IFT172: variants seen among roughly 807,000 people sequenced by gnomAD.
IFT172 encodes the protein intraflagellar transport 172.
IFT172 carries 164 observed loss-of-function variants against 248.9 expected under a neutral mutation model. The observed-to-expected ratio is 0.66, with a 90% CI of 0.58 to 0.75. IFT172 has a LOEUF of 0.75. IFT172 is among the 30% of genes least tolerant of loss of function. The probability of loss-of-function intolerance (pLI) is 0.00; values close to 1 mark genes in which losing one functional copy is unlikely to be tolerated. For missense variants in IFT172, 1,950 were observed against 2,192.4 expected (o/e 0.89, Z 2.21); for synonymous variants, 729 against 791.6 (o/e 0.92, Z 1.33).
At position 27,447,894 on chromosome 2, in the gene IFT172, G is replaced by A. The variant is rs1665295983; in HGVS notation, c.4457C>T (p.Thr1486Ile). Reference protein sequence around the residue: ...QNFNIYKRIFTDMVSSPGTNC... With the variant: ...QNFNIYKRIFIDMVSSPGTNC... ...GGTTCCAGGAGAGCTCACCATGTCA[G>A]TGAAGATCCTTTTGTAGATATTGAA... The change falls in exon 41 of 48, where the codon ACT (threonine) becomes ATT (isoleucine). Residue 1486 changes from threonine (T) to isoleucine (I), a missense_variant. This residue lies in a region of IFT172 where 620 missense variants were observed against 699.0 expected (regional missense o/e 0.89). Coordinates refer to ENST00000260570, the MANE Select transcript of IFT172 (RefSeq NM_015662.3). 6.2e-7 allele frequency: 1 copy of A among 1,612,224 alleles called. No homozygotes were observed. The highest frequency in any genetic ancestry group is 1.3e-5 in the African/African-American group (1 of 74,960).
At chr2:27,488,192 C>G (rs1293746905) in intron 1 of IFT172, among the ~76,000 whole-genome samples, 1 of 151,920 alleles carries the variant, frequency 6.6e-6, no homozygotes, top group Admixed American at 6.6e-5. Context: ...TCACTCTTGT[C>G]CCCCAGGCTG....
intron 16 of IFT172, among the ~76,000 whole-genome samples, chr2:27,467,418 GAAAAAAAAAAAA>G (rs34115935): frequency 1.9e-3 from 32 of 16,426 alleles, no homozygotes; most frequent in South Asian, 6.6e-3. Context: ...ACAGAAAATT[GAAAAAAAAAAAA>G]AAAAAAAAAA....
rs1295629467 is a variant in IFT172 at position 27,445,136 on chromosome 2, G to A, written c.5069-31C>T. ...GAGGAAGAAAAAATGATGAACTGGG[G>A]TTTGAGAGAGATTGAGGAGGGAAAA... On this transcript the variant is annotated intron_variant, in intron 46 of 47. Transcript: ENST00000260570. This position sits in a 1 kb window ranked among gnomAD's most constrained non-coding sequence, Gnocchi z 4.4. 10 of 1,612,710 alleles carry A rather than the reference G, an allele frequency of 6.2e-6. No individual in the cohort carries two copies. Among genetic ancestry groups the A allele is most frequent in the Non-Finnish European group, 6.8e-6 (8 of 1,179,208 alleles).
intron 23 of IFT172, 67 bp from the exon 24 acceptor site, chr2:27,459,896 A>G: frequency 6.3e-7 from 1 of 1,588,330 alleles, no homozygotes; most frequent in East Asian, 2.2e-5. Flanking sequence ...AAGGTAGGAC[A>G]GGGAGATGAA....
At position 27,445,632 on chromosome 2, in the gene IFT172, G is replaced by GA; in HGVS notation, c.4914+112dup. 5 of 1,399,544 alleles carry GA rather than the reference G, an allele frequency of 3.6e-6. 1 individual carries two copies. The highest frequency in any genetic ancestry group is 2.9e-6 in the Non-Finnish European group (3 of 1,017,248). The allele number at this position is 1,399,544 out of a possible 1,614,324, so 86.7% of individuals were successfully genotyped here. On this transcript the variant is annotated intron_variant, in intron 45 of 47. Transcript: ENST00000260570. This position sits in a 1 kb window ranked among gnomAD's most constrained non-coding sequence, Gnocchi z 4.4. ...TTTCTATTTTGCTTCTACTTTCACT[G>GA]AAAAAACAGTGAGGGCTGAGGTCCT...
chr2:27,482,518 C>G (rs1668461346), intron 7 of IFT172, among the ~76,000 whole-genome samples: 1 of 152,068 alleles, frequency 6.6e-6, no homozygotes, highest in Admixed American at 6.5e-5. Flanking sequence ...CTCCTGACCT[C>G]AGGTGATCCA....
At chr2:27,462,611 C>T (rs1666765905) in intron 20 of IFT172, 90 bp downstream of exon 20, 1 of 1,132,296 alleles carries the variant, frequency 8.8e-7, no homozygotes, top group East Asian at 2.4e-5. Flanking sequence ...CCTAGTTCAC[C>T]AGCACGCTTT....
intron 16 of IFT172, among the ~76,000 whole-genome samples, chr2:27,466,715 A>C (rs1314949012): frequency 6.6e-6 from 1 of 152,216 alleles, no homozygotes; most frequent in East Asian, 1.9e-4. Flanking sequence ...TCAGATATTA[A>C]AAATAACAGT....
At chr2:27,468,864 A>C (rs1258992504) in intron 16 of IFT172, among the ~76,000 whole-genome samples, 4 of 148,848 alleles carry the variant, frequency 2.7e-5, no homozygotes, top group African/African-American at 9.9e-5. Flanking sequence ...AAAAAAAAGA[A>C]AAAAAAAAAG....
In IFT172 at chr2:27,458,121, C is replaced by G. The variant is rs758286445; in HGVS notation, c.2975+5G>C. The G allele has an allele frequency of 1.3e-5, 21 of 1,613,894 alleles. No individual in the cohort carries two copies. The highest frequency in any genetic ancestry group is 1.8e-5 in the Non-Finnish European group (21 of 1,179,884). ...CTCTACACCTCCTCTGGGGCCACGG[C>G]TCACCTTTCAGCCTCACGGTACTTG... On this transcript the variant is annotated splice_donor_5th_base_variant and intron_variant, in intron 27 of 47. Coordinates refer to ENST00000260570, the MANE Select transcript of IFT172 (RefSeq NM_015662.3).
At chr2:27,449,657 A>G in intron 37 of IFT172, 34 bp downstream of exon 37, 2 of 1,610,030 alleles carry the variant, frequency 1.2e-6, no homozygotes, top group Non-Finnish European at 1.7e-6. Context: ...GAAGTAAAAG[A>G]GAATTTCGCA....
At chr2:27,472,210 T>A (rs772518286) in intron 15 of IFT172, 40 bp downstream of exon 15, 1 of 1,447,514 alleles carries the variant, frequency 6.9e-7, no homozygotes, top group African/African-American at 1.4e-5. Flanking sequence ...ACACCCTCTG[T>A]GGGCCAGCCA....
chr2:27,467,296 G>A (rs764556565), intron 16 of IFT172, among the ~76,000 whole-genome samples: 4 of 151,628 alleles, frequency 2.6e-5, no homozygotes, highest in Non-Finnish European at 5.9e-5. Flanking sequence ...CCAGAGGCCA[G>A]ATGCAGTGGC....
Position 27,447,810 on chromosome 2 carries a change from AC to A in IFT172, c.4539+1del. 6.2e-7 allele frequency: 1 copy of A among 1,606,672 alleles called. No individual in the cohort carries two copies. The highest frequency in any genetic ancestry group is 8.5e-7 in the Non-Finnish European group (1 of 1,173,104). On this transcript the variant is annotated splice_donor_variant, in intron 41 of 47. Coordinates refer to ENST00000260570, the MANE Select transcript of IFT172 (RefSeq NM_015662.3). LOFTEE classifies it high-confidence loss of function. ...GACGGAGCAGCCCTTTCGCTTCCTC[AC>A]CAGGTTGAAGAGGACATCTCGAAGA...
rs1384359433 is a variant in IFT172, at chr2:27,448,891, T to TCAA, written c.4428+21_4428+23dup. ...AGAAAGAGCTTTCTTGTGGAAACATTCAACCCAAGGAGAAGGCTGGTACCT... is the reference window on the plus strand; with the variant it reads ...AGAAAGAGCTTTCTTGTGGAAACATTCAACAACCCAAGGAGAAGGCTGGTACCT... On this transcript the variant is annotated intron_variant, in intron 40 of 47. Coordinates refer to ENST00000260570, the MANE Select transcript of IFT172 (RefSeq NM_015662.3). 6 of 1,109,992 alleles carry TCAA rather than the reference T, an allele frequency of 5.4e-6. No homozygotes were observed. The African/African-American group carries it at 9.2e-5, about 17-fold the overall frequency. The allele number at this position is 1,109,992 out of a possible 1,614,324, so 68.8% of individuals were successfully genotyped here.
chr2:27,484,103 C>G, intron 4 of IFT172, 124 bp downstream of exon 4: 1 of 1,412,054 alleles, frequency 7.1e-7, no homozygotes, highest in South Asian at 1.2e-5. Context: ...CATGAAGCAC[C>G]ATCCTTGCAG....
chr2:27,455,051 C>A, intron 30 of IFT172: 1 of 289,850 alleles, frequency 3.5e-6, no homozygotes, highest in Non-Finnish European at 6.6e-6. Context: ...AGAGTCTCTC[C>A]AAAAAATGAG....
At chr2:27,478,185 A>G in intron 10 of IFT172, 29 bp from the exon 11 acceptor site, 1 of 1,612,634 alleles carries the variant, frequency 6.2e-7, no homozygotes, top group Non-Finnish European at 8.5e-7. Context: ...TGAGCCCCTT[A>G]GGCTTCCCCA....
At position 27,445,073 on chromosome 2, in the gene IFT172, T is replaced by A; in HGVS notation, c.5101A>T (p.Lys1701Ter). The A allele has an allele frequency of 6.2e-7, 1 of 1,614,132 alleles. No homozygotes were observed. The highest frequency in any genetic ancestry group is 8.5e-7 in the Non-Finnish European group (1 of 1,180,026). The change falls in exon 47 of 48, where the codon AAG becomes TAG. Residue 1701 changes from lysine to a stop codon, truncating the protein, a stop_gained. Coordinates refer to ENST00000260570, the MANE Select transcript of IFT172 (RefSeq NM_015662.3). LOFTEE classifies it high-confidence loss of function. The surrounding 1 kb of genome is among the most constrained non-coding windows in gnomAD (Gnocchi z 4.4). ...TTGTTAGCAGCCTTCCCTGGCCGCTTAAATTCAATTTTGTTCCTCAGAATG... is the reference window on the plus strand; with the variant it reads ...TTGTTAGCAGCCTTCCCTGGCCGCTAAAATTCAATTTTGTTCCTCAGAATG... Reference protein sequence around the residue: ...YPILRNKIEFKRPGKAANKDN... With the variant: ...YPILRNKIEF
Sources: gnomAD v4.1 joint callset for allele counts (sites outside exome capture counted in the v4.1 genomes callset) on GRCh38, gnomAD v4.1.1 for gene constraint, gnomAD v4.1.1 regional missense constraint, Gnocchi (gnomAD v3.1) non-coding constraint, MANE v1.5 for transcripts, NCBI Gene and HGNC (gene_info 2026-07-23, HGNC 2026-07-21) for gene names.